Variants in ARMC9 observed in about 807,000 individuals in gnomAD.
ARMC9 encodes lisH domain-containing protein ARMC9.
A neutral mutation model predicts 107.0 loss-of-function variants in ARMC9; 94 were observed. The observed-to-expected ratio is 0.88, with a 90% CI of 0.74 to 1.04. The LOEUF (loss-of-function observed/expected upper bound fraction) is 1.04. Among genes scored for constraint, ARMC9 ranks in the 50% least tolerant of loss-of-function variants. ARMC9 has a pLI of 0.00. For synonymous variants in ARMC9, 380 were observed against 396.9 expected, an observed-to-expected ratio of 0.96 and a Z score of 0.51; for missense variants, 942 against 1,030.1, an observed-to-expected ratio of 0.91 and a Z score of 1.17.
chr2:231,309,522 TTCTA>T (rs2042218397), intron 19 of ARMC9, among the ~76,000 whole-genome samples: 1 of 152,170 alleles, frequency 6.6e-6, no homozygotes, highest in African/African-American at 2.4e-5. Context: ...ATAAATACGT[TTCTA>T]TCCATTTGAT....
At position 231,254,791 on chromosome 2, in the gene ARMC9, C is replaced by T. The variant is rs560308682; in HGVS notation, c.880-1795C>T. Reference sequence around the variant, plus strand: ...ATCATAAAATGGATCCCCAAGTGCCCATCACCCAGCTTCAGCAATAAATGG... The same window carrying T: ...ATCATAAAATGGATCCCCAAGTGCCTATCACCCAGCTTCAGCAATAAATGG... On this transcript the variant is annotated intron_variant, in intron 9 of 24. Coordinates refer to ENST00000611582, the MANE Select transcript of ARMC9 (RefSeq NM_001352754.2). Among the ~76,000 whole-genome samples the T allele has an allele frequency of 4.1e-4, 62 of 152,210 alleles. No homozygotes were observed. The East Asian group carries it at 8.9e-3, about 22-fold the overall frequency.
chr2:231,254,154 A>C (rs999006196), intron 9 of ARMC9, among the ~76,000 whole-genome samples: 1 of 152,224 alleles, frequency 6.6e-6, no homozygotes, highest in African/African-American at 2.4e-5. Context: ...TGAAATCTCT[A>C]AATGTAAAAA....
At chr2:231,334,689 G>A (rs959707828) in intron 20 of ARMC9, among the ~76,000 whole-genome samples, 7 of 152,086 alleles carry the variant, frequency 4.6e-5, no homozygotes, top group African/African-American at 1.4e-4. Context: ...GAGGCCGGAT[G>A]CACTCCCAGC....
At chr2:231,253,642 C>G (rs1258438856) in intron 9 of ARMC9, among the ~76,000 whole-genome samples, 1 of 152,178 alleles carries the variant, frequency 6.6e-6, no homozygotes, top group African/African-American at 2.4e-5. Context: ...AGTGCAGGTT[C>G]TGGTTCAGGA....
At chr2:231,315,104 T>C (rs2042587590) in intron 19 of ARMC9, among the ~76,000 whole-genome samples, 1 of 150,894 alleles carries the variant, frequency 6.6e-6, no homozygotes, top group Non-Finnish European at 1.5e-5. Context: ...CCGGGTGTGG[T>C]GGTGCATGCC....
chr2:231,290,609 G>C (rs1405056827), intron 17 of ARMC9, among the ~76,000 whole-genome samples: 1 of 152,212 alleles, frequency 6.6e-6, no homozygotes, highest in Non-Finnish European at 1.5e-5. Flanking sequence ...GGAGGGAAAG[G>C]AATTAGACAG....
At chr2:231,314,151 C>G (rs1166655422) in intron 19 of ARMC9, among the ~76,000 whole-genome samples, 1 of 151,326 alleles carries the variant, frequency 6.6e-6, no homozygotes, top group Non-Finnish European at 1.5e-5. Flanking sequence ...GCAATCTCAG[C>G]TCACTACAAC....
chr2:231,262,961 G>A (rs191695614), intron 12 of ARMC9, among the ~76,000 whole-genome samples: 2 of 150,482 alleles, frequency 1.3e-5, no homozygotes, highest in East Asian at 2.0e-4. Flanking sequence ...TCGGGAGGTC[G>A]TTGGGATGAT....
rs1476710704 is a variant in ARMC9 at position 231,276,750 on chromosome 2, C to T, written c.1449C>T (p.Leu483=). The change falls in exon 15 of 25, where the codon CTC becomes CTT. Residue 483 remains leucine (L), a synonymous_variant. Transcript: ENST00000611582. ...DYTLEYSVAL[L]MNLCLRSTGK... Reference sequence around the variant, plus strand: ...CGCTGGAGTACTCGGTGGCTTTGCTCATGAACCTCTGCCTCCGCAGCACAG... The same window carrying T: ...CGCTGGAGTACTCGGTGGCTTTGCTTATGAACCTCTGCCTCCGCAGCACAG... 1.2e-6 allele frequency: 2 copies of T among 1,614,044 alleles called. No individual in the cohort carries two copies. The highest frequency in any genetic ancestry group is 1.3e-5 in the African/African-American group (1 of 74,932).
At chr2:231,363,964 CT>C (rs1422191263) in intron 23 of ARMC9, among the ~76,000 whole-genome samples, 1 of 150,810 alleles carries the variant, frequency 6.6e-6, no homozygotes, top group Non-Finnish European at 1.5e-5. Flanking sequence ...TGAAATTTTC[CT>C]TTTCCTTTGT....
In ARMC9 at chr2:231,371,917, G is replaced by C. The variant is rs1413309596; in HGVS notation, c.*382G>C. Reference sequence around the variant, plus strand: ...CAGGCCCCAACAGGGCGACAGTGTAGGGCCAGCCTGGAGCAGGGCTTTTCC... The same window carrying C: ...CAGGCCCCAACAGGGCGACAGTGTACGGCCAGCCTGGAGCAGGGCTTTTCC... On this transcript the variant is annotated 3_prime_UTR_variant, in exon 25 of 25. Transcript: ENST00000611582. 5 of 205,364 alleles carry C rather than the reference G, an allele frequency of 2.4e-5. No individual in the cohort carries two copies. Among genetic ancestry groups the C allele is most frequent in the Admixed American group, 1.2e-4 (2 of 16,774 alleles). The allele number at this position is 205,364 out of a possible 1,614,324, so 12.7% of individuals were successfully genotyped here. A position where few individuals can be genotyped will look rare whatever the true frequency, so the allele number is the denominator to read the frequency against.
Position 231,224,745 on chromosome 2 carries a change from A to G in ARMC9, c.597+1925A>G, listed in dbSNP as rs531821409. On this transcript the variant is annotated intron_variant, in intron 6 of 24. Transcript: ENST00000611582. ...ACATTAAGCTTCTACTATGAGTCAA[A>G]TATTGTTCTAGGATTTAGGGATATA... Among the ~76,000 whole-genome samples, 41 of 152,336 alleles carry G rather than the reference A, an allele frequency of 2.7e-4. No homozygotes were observed. In the South Asian group the frequency reaches 8.5e-3, roughly 32 times the overall value.
intron 9 of ARMC9, chr2:231,256,207 C>T: frequency 2.0e-6 from 3 of 1,531,618 alleles, no homozygotes; most frequent in Non-Finnish European, 2.7e-6. Context: ...TCATGGACGA[C>T]ACGAGCCGAT....
At chr2:231,323,877 C>A (rs2043139588) in intron 19 of ARMC9, among the ~76,000 whole-genome samples, 1 of 152,154 alleles carries the variant, frequency 6.6e-6, no homozygotes, top group Non-Finnish European at 1.5e-5. Flanking sequence ...ATTGAAATAA[C>A]AATAGCGTTT....
In ARMC9 at chr2:231,308,841, GT is replaced by G. The variant is rs538079460; in HGVS notation, c.1773+12589del. On this transcript the variant is annotated intron_variant, in intron 19 of 24. Coordinates refer to ENST00000611582, the MANE Select transcript of ARMC9 (RefSeq NM_001352754.2). ...CACTTGAAGCTGCTTCTAGGTGCAT[GT>G]CCAGAGAGCCAGAGGCTAGCTGCTC... 1.3e-4 allele frequency among the ~76,000 whole-genome samples: 20 copies of G among 152,320 alleles called. No homozygotes were observed. The East Asian group carries it at 3.3e-3, about 25-fold the overall frequency.
chr2:231,209,508 C>G (rs2032521982), intron 3 of ARMC9, among the ~76,000 whole-genome samples: 1 of 152,130 alleles, frequency 6.6e-6, no homozygotes, highest in Non-Finnish European at 1.5e-5. Flanking sequence ...TTTCCTGAGA[C>G]AGCATGTTTC....
At chr2:231,216,239 A>T (rs2033486277) in intron 4 of ARMC9, among the ~76,000 whole-genome samples, 3 of 152,204 alleles carry the variant, frequency 2.0e-5, no homozygotes, top group Admixed American at 2.0e-4. Context: ...GAGGCATGGT[A>T]ATGCAGACAG....
chr2:231,206,434 A>G, intron 2 of ARMC9, 145 bp downstream of exon 2: 1 of 706,982 alleles, frequency 1.4e-6, no homozygotes, highest in Non-Finnish European at 2.2e-6. Context: ...TATTCCATGT[A>G]TTTACATTTT....
At chr2:231,209,581 G>A (rs4973378) in intron 3 of ARMC9, among the ~76,000 whole-genome samples, 30,287 of 152,040 alleles carry the variant, frequency 0.2, 3,774 homozygotes, top group Admixed American at 0.33. Context: ...TGTTGCCCAG[G>A]CTGGAGTGCA....
Sources: gnomAD v4.1 joint callset for allele counts (sites outside exome capture counted in the v4.1 genomes callset) on GRCh38, gnomAD v4.1.1 for gene constraint, MANE v1.5 for transcripts, NCBI Gene and HGNC (gene_info 2026-07-23, HGNC 2026-07-21) for gene names.